RPGRIP1L: variants seen among roughly 807,000 people sequenced by gnomAD.
RPGRIP1L encodes the protein RPGRIP1 like.
RPGRIP1L carries 131 observed loss-of-function variants against 160.4 expected under a neutral mutation model. That is an observed-to-expected ratio of 0.82 (90% confidence interval 0.71 to 0.94). The LOEUF (loss-of-function observed/expected upper bound fraction) is 0.94, where lower values mean the gene tolerates loss of function less well. Among genes scored for constraint, RPGRIP1L ranks in the 40% least tolerant of loss-of-function variants. The pLI, the probability that RPGRIP1L is intolerant of heterozygous loss-of-function variation, is 0.00. For missense variants in RPGRIP1L, 1,522 were observed against 1,535.8 expected, an observed-to-expected ratio of 0.99 and a Z score of 0.15; for synonymous variants, 510 against 515.8, an observed-to-expected ratio of 0.99 and a Z score of 0.15.
At chr16:53,691,419 G>T (rs1321248466) in intron 4 of RPGRIP1L, among the ~76,000 whole-genome samples, 1 of 152,016 alleles carries the variant, frequency 6.6e-6, no homozygotes, top group East Asian at 1.9e-4. Context: ...TACATTTTAG[G>T]TTATTAATTT....
intron 14 of RPGRIP1L, among the ~76,000 whole-genome samples, chr16:53,655,809 C>T (rs1318763190): frequency 2.0e-5 from 3 of 152,136 alleles, no homozygotes; most frequent in African/African-American, 7.2e-5. Flanking sequence ...GTCTAAAAAT[C>T]ACTGTAAGGA....
intron 16 of RPGRIP1L, among the ~76,000 whole-genome samples, chr16:53,648,419 G>A (rs968216290): frequency 6.6e-6 from 1 of 152,124 alleles, no homozygotes; most frequent in Non-Finnish European, 1.5e-5. Context: ...CTTAACAGTA[G>A]AAATTTTTAA....
intron 16 of RPGRIP1L, among the ~76,000 whole-genome samples, chr16:53,648,103 CAAAAAAAAAAA>C (rs781122239): frequency 5.1e-5 from 2 of 39,138 alleles, no homozygotes; most frequent in Admixed American, 5.3e-4. Context: ...GACTCCGTCT[CAAAAAAAAAAA>C]AAAAAAAAAA....
chr16:53,605,887 G>C (rs888167192), intron 25 of RPGRIP1L, among the ~76,000 whole-genome samples: 1 of 152,120 alleles, frequency 6.6e-6, no homozygotes, highest in African/African-American at 2.4e-5. Flanking sequence ...CAAAGAGAAG[G>C]ACCAGATGTT....
At chr16:53,636,534 A>G (rs930740152) in intron 21 of RPGRIP1L, 22 bp from the exon 22 acceptor site, 2 of 1,557,404 alleles carry the variant, frequency 1.3e-6, no homozygotes, top group South Asian at 1.1e-5. Flanking sequence ...ATAAAAGGGT[A>G]ACATTTACAC....
intron 10 of RPGRIP1L, among the ~76,000 whole-genome samples, 160 bp downstream of exon 10, chr16:53,664,710 T>C (rs1342634451): frequency 6.6e-6 from 1 of 152,172 alleles, no homozygotes; most frequent in Admixed American, 6.6e-5. Flanking sequence ...ATGAGAAATT[T>C]TGAGCAACCA....
intron 16 of RPGRIP1L, among the ~76,000 whole-genome samples, chr16:53,647,418 T>G (rs966837824): frequency 6.6e-6 from 1 of 152,246 alleles, no homozygotes; most frequent in Admixed American, 6.5e-5. Context: ...TTTTTTTCTG[T>G]ATGTTTGTTC....
intron 23 of RPGRIP1L, among the ~76,000 whole-genome samples, chr16:53,619,992 A>G (rs1964607749): frequency 6.6e-6 from 1 of 152,182 alleles, no homozygotes; most frequent in South Asian, 2.1e-4. Flanking sequence ...ATATCACACC[A>G]AGGTAACTCC....
chr16:53,658,289 T>C (rs1967443694), intron 12 of RPGRIP1L, 125 bp downstream of exon 12: 6 of 763,442 alleles, frequency 7.9e-6, no homozygotes. Context: ...GTAAAGGATG[T>C]ACTAAGTTTC....
chr16:53,601,848 T>A lies in RPGRIP1L; in HGVS notation c.*228A>T. The stretch of plus-strand genomic sequence containing the variant: ...AAATTATTGAGAAGGTACTGCCCAT[T>A]ATGGAGAACTTAAGTCCTGAGGGGT... On this transcript the variant is annotated 3_prime_UTR_variant, in exon 27 of 27. Coordinates refer to ENST00000647211, the MANE Select transcript of RPGRIP1L (RefSeq NM_015272.5). 1 of 516,796 alleles carries A rather than the reference T, an allele frequency of 1.9e-6. No homozygotes were observed. The highest frequency in any genetic ancestry group is 2.1e-5 in the South Asian group (1 of 47,264). 32.0% of individuals were successfully genotyped at this position (516,796 alleles called of 1,614,324 possible).
intron 4 of RPGRIP1L, 138 bp downstream of exon 4, chr16:53,691,928 T>C: frequency 2.5e-6 from 2 of 807,810 alleles, no homozygotes; most frequent in South Asian, 1.5e-5. Flanking sequence ...AATATTATTT[T>C]ATCAAAGTAA....
intron 6 of RPGRIP1L, among the ~76,000 whole-genome samples, chr16:53,681,109 G>C (rs116764870): frequency 8.7e-4 from 133 of 152,322 alleles, no homozygotes; most frequent in African/African-American, 2.9e-3. Context: ...AGAGGGGAAA[G>C]AGTGAGCCCT....
At chr16:53,652,434 G>A (rs1279760058) in intron 15 of RPGRIP1L, 101 bp downstream of exon 15, 3 of 911,368 alleles carry the variant, frequency 3.3e-6, no homozygotes, top group Non-Finnish European at 5.3e-6. Context: ...TGCTCTAAAG[G>A]CACCTTTAAT....
At chr16:53,654,624 G>T (rs974095662) in intron 14 of RPGRIP1L, among the ~76,000 whole-genome samples, 2 of 152,162 alleles carry the variant, frequency 1.3e-5, no homozygotes, top group African/African-American at 4.8e-5. Context: ...CATCTTAGGA[G>T]TTCCATGAGG....
chr16:53,599,079 T>C lies in RPGRIP1L; in HGVS notation c.*2997A>G, dbSNP rs1244716696. Reference sequence around the variant, plus strand: ...TGGTTTTCATTTTCACAGCTCTTGATGTCAGATTACTAAAATAATTTATGT... The same window carrying C: ...TGGTTTTCATTTTCACAGCTCTTGACGTCAGATTACTAAAATAATTTATGT... On this transcript the variant is annotated 3_prime_UTR_variant, in exon 27 of 27. Coordinates refer to ENST00000647211, the MANE Select transcript of RPGRIP1L (RefSeq NM_015272.5). 6.6e-6 allele frequency: 1 copy of C among 152,210 alleles called. No individual in the cohort carries two copies. The highest frequency in any genetic ancestry group is 6.5e-5 in the Admixed American group (1 of 15,280). 9.4% of individuals were successfully genotyped at this position (152,210 alleles called of 1,614,324 possible).
chr16:53,687,777 A>G (rs1448025593), intron 5 of RPGRIP1L, 86 bp downstream of exon 5: 21 of 831,004 alleles, frequency 2.5e-5, no homozygotes, highest in South Asian at 2.2e-4. Context: ...AACTGTTTAC[A>G]TATAAATAAA....
intron 3 of RPGRIP1L, chr16:53,695,293 T>C (rs954309600): frequency 2.9e-6 from 2 of 694,954 alleles, no homozygotes; most frequent in Non-Finnish European, 5.2e-6. Flanking sequence ...ACAGCCATCA[T>C]CATGACTAAA....
intron 5 of RPGRIP1L, among the ~76,000 whole-genome samples, chr16:53,687,639 A>G (rs1970111019): frequency 6.6e-6 from 1 of 152,172 alleles, no homozygotes; most frequent in South Asian, 2.1e-4. Context: ...AAATTATAAT[A>G]AAGAAGACTA....
At chr16:53,626,145 T>TAAAACAAAAAAAA (rs1965152502) in intron 22 of RPGRIP1L, among the ~76,000 whole-genome samples, 1 of 60,534 alleles carries the variant, frequency 1.7e-5, no homozygotes, top group African/African-American at 6.3e-5. Context: ...CAATAAATAC[T>TAAAACAAAAAAAA]AAAAAAAAAA....
Sources: allele counts gnomAD v4.1 joint callset (sites outside exome capture counted in the v4.1 genomes callset), GRCh38; gene constraint gnomAD v4.1.1; transcripts MANE v1.5; gene names NCBI Gene and HGNC (gene_info 2026-07-23, HGNC 2026-07-21).